The following SERPING1 variants were observed in gnomAD, a reference collection of about 807,000 sequenced individuals.
SERPING1 encodes serpin family G member 1, also known as plasma protease C1 inhibitor.
Under a neutral mutation model 34.1 loss-of-function variants are expected in SERPING1, and 5 were observed. The observed-to-expected ratio is 0.15, with a 90% CI of 0.08 to 0.31. The LOEUF (loss-of-function observed/expected upper bound fraction) is 0.31. SERPING1 is among the 10% of genes least tolerant of loss of function. SERPING1 has a pLI of 1.00. For missense variants in SERPING1, 505 were observed against 609.5 expected (o/e 0.83, Z 1.81); for synonymous variants, 225 against 242.4 (o/e 0.93, Z 0.67).
intron 7 of SERPING1, among the ~76,000 whole-genome samples, chr11:57,613,018 A>T (rs1945498375): frequency 6.6e-6 from 1 of 152,136 alleles, no homozygotes; most frequent in African/African-American, 2.4e-5. Flanking sequence ...AAGTGCTGGG[A>T]TTACAGGTGT....
chr11:57,606,236 A>T (rs1356752202), intron 5 of SERPING1, 23 bp downstream of exon 5: 2 of 1,613,562 alleles, frequency 1.2e-6, no homozygotes, highest in Non-Finnish European at 1.7e-6. Context: ...TTAGCCAGTT[A>T]GTCTTCCCAT....
At chr11:57,605,947 T>G (rs1227145628) in intron 4 of SERPING1, 63 bp from the exon 5 acceptor site, 3 of 1,421,756 alleles carry the variant, frequency 2.1e-6, no homozygotes, top group East Asian at 4.6e-5. Context: ...CACTCTCAAA[T>G]CGTGCTCATG....
intron 6 of SERPING1, 65 bp downstream of exon 6, chr11:57,606,612 T>A: frequency 6.5e-7 from 1 of 1,535,882 alleles, no homozygotes; most frequent in Non-Finnish European, 9.0e-7. Flanking sequence ...TTTTTTCTGC[T>A]GTAGTCCCAT....
chr11:57,606,149 C>A lies in SERPING1; in HGVS notation c.825C>A (p.Ser275Arg). Residue 275 changes from serine (S) to arginine (R), a missense_variant, in exon 5 of 8, where the codon AGC (serine) becomes AGA (arginine). Ser to Arg is a moderately radical substitution (Grantham distance 110, BLOSUM62 -1). Transcript: ENST00000278407. ...CCAAGAACACCAACAACAAGATCAGCCGGCTGCTAGACAGTCTGCCCTCCG... is the reference window on the plus strand; with the variant it reads ...CCAAGAACACCAACAACAAGATCAGACGGCTGCTAGACAGTCTGCCCTCCG... ...WVAKNTNNKISRLLDSLPSDT... is the reference protein window; with the variant it reads ...WVAKNTNNKIRRLLDSLPSDT... The A allele has an allele frequency of 6.2e-7, 1 of 1,614,150 alleles. No homozygotes were observed. Among genetic ancestry groups the A allele is most frequent in the Non-Finnish European group, 8.5e-7 (1 of 1,180,014 alleles).
intron 4 of SERPING1, among the ~76,000 whole-genome samples, chr11:57,603,411 G>C (rs1314751310): frequency 6.6e-6 from 1 of 151,816 alleles, no homozygotes; most frequent in Non-Finnish European, 1.5e-5. Context: ...CCCTGGCATG[G>C]TGGTGTGCAC....
At chr11:57,605,592 T>G (rs1421246421) in intron 4 of SERPING1, 1 of 200,150 alleles carries the variant, frequency 5.0e-6, no homozygotes, top group African/African-American at 2.4e-5. Flanking sequence ...CTTTTTTTTT[T>G]TTTTTTTCAG....
chr11:57,604,106 T>C (rs1407258899), intron 4 of SERPING1, among the ~76,000 whole-genome samples: 1 of 142,646 alleles, frequency 7.0e-6, no homozygotes, highest in African/African-American at 2.6e-5. Context: ...CATTCCAGCC[T>C]GGGTGACAGA....
intron 7 of SERPING1, among the ~76,000 whole-genome samples, chr11:57,612,542 T>C (rs1945490216): frequency 6.6e-6 from 1 of 151,594 alleles, no homozygotes; most frequent in Non-Finnish European, 1.5e-5. Context: ...GCCTCCCGAG[T>C]AGCTGGGACT....
At chr11:57,607,553 C>A (rs1945424948) in intron 6 of SERPING1, among the ~76,000 whole-genome samples, 1 of 152,138 alleles carries the variant, frequency 6.6e-6, no homozygotes, top group African/African-American at 2.4e-5. Context: ...GTGCCTAGAA[C>A]AATGCCTCCT....
At chr11:57,609,877 C>T (rs186585392) in intron 6 of SERPING1, among the ~76,000 whole-genome samples, 1 of 152,292 alleles carries the variant, frequency 6.6e-6, no homozygotes, top group African/African-American at 2.4e-5. Context: ...AGCAGTCCTC[C>T]CACCCTAGCC....
intron 6 of SERPING1, 41 bp from the exon 7 acceptor site, chr11:57,611,676 T>A (rs368005671): frequency 2.5e-6 from 4 of 1,569,010 alleles, no homozygotes; most frequent in Non-Finnish European, 3.5e-6. Context: ...AGGAGAGAGA[T>A]GCGGTAGGAA....
At chr11:57,601,991 C>T (rs770634187) in intron 3 of SERPING1, 44 bp from the exon 4 acceptor site, 12 of 1,613,236 alleles carry the variant, frequency 7.4e-6, no homozygotes, top group South Asian at 2.2e-5. Context: ...GGAAGGCCCC[C>T]GACTCATCCT....
In SERPING1 at chr11:57,598,422, G is replaced by A. The variant is rs28362945; in HGVS notation, c.51+101G>A. ...GAGGATTAACCCTTCAGGCTCCGGG[G>A]AATGAGGAGAGCTCCTCTTGGGATC... On this transcript the variant is annotated intron_variant, in intron 2 of 7. Coordinates refer to ENST00000278407, the MANE Select transcript of SERPING1 (RefSeq NM_000062.3). 0.15 allele frequency: 170,811 copies of A among 1,148,294 alleles called. 13,996 individuals are homozygous for A. The highest frequency in any genetic ancestry group is 0.17 in the Non-Finnish European group (138,804 of 799,030). 71.1% of individuals were successfully genotyped at this position (1,148,294 alleles called of 1,614,324 possible). A position where few individuals can be genotyped will look rare whatever the true frequency, so the allele number is the denominator to read the frequency against.
intron 6 of SERPING1, 65 bp downstream of exon 6, chr11:57,606,612 T>G: frequency 6.5e-7 from 1 of 1,535,882 alleles, no homozygotes; most frequent in Non-Finnish European, 9.0e-7. Context: ...TTTTTTCTGC[T>G]GTAGTCCCAT....
Position 57,611,915 on chromosome 11 carries a change from C to A in SERPING1, c.1228C>A (p.Leu410Ile). The change falls in exon 7 of 8, where the codon CTC becomes ATC. Residue 410 changes from leucine (L) to isoleucine (I), a missense_variant. By Grantham distance (5) the Leu-to-Ile change is conservative (BLOSUM62 2). Transcript: ENST00000278407. ...CAAAGTGACGACCAGCCAGGATATGCTCTCAATCATGGAGAAATTGGGTGA... is the reference window on the plus strand; with the variant it reads ...CAAAGTGACGACCAGCCAGGATATGATCTCAATCATGGAGAAATTGGGTGA... ...RIKVTTSQDMLSIMEKLEFFD... is the reference protein window; with the variant it reads ...RIKVTTSQDMISIMEKLEFFD... The A allele has an allele frequency of 6.2e-7, 1 of 1,614,068 alleles. No individual in the cohort carries two copies. Among genetic ancestry groups the A allele is most frequent in the Non-Finnish European group, 8.5e-7 (1 of 1,180,002 alleles).
At chr11:57,602,792 AAAC>A (rs1196184045) in intron 4 of SERPING1, among the ~76,000 whole-genome samples, 2 of 150,940 alleles carry the variant, frequency 1.3e-5, no homozygotes, top group Non-Finnish European at 3.0e-5. Flanking sequence ...ACAAAAAAAA[AAAC>A]AAAGAAGGAG....
chr11:57,611,419 A>C, intron 6 of SERPING1: 1 of 472,458 alleles, frequency 2.1e-6, no homozygotes, highest in East Asian at 4.1e-5. Context: ...AAGGAAGGGA[A>C]CAGCGCTCAG....
At chr11:57,609,108 GTCTC>G (rs1945446431) in intron 6 of SERPING1, among the ~76,000 whole-genome samples, 1 of 150,200 alleles carries the variant, frequency 6.7e-6, no homozygotes, top group African/African-American at 2.4e-5. Context: ...GTGGAATTCT[GTCTC>G]TACTAAAAAT....
At chr11:57,598,934 T>C (rs1945317308) in intron 2 of SERPING1, among the ~76,000 whole-genome samples, 1 of 150,816 alleles carries the variant, frequency 6.6e-6, no homozygotes, top group Non-Finnish European at 1.5e-5. Context: ...TGTATGTGCG[T>C]GTGTGTGTGT....
Sources: allele counts gnomAD v4.1 joint callset (sites outside exome capture counted in the v4.1 genomes callset), GRCh38; gene constraint gnomAD v4.1.1; transcripts MANE v1.5; gene names NCBI Gene and HGNC (gene_info 2026-07-23, HGNC 2026-07-21).